Variants in PRIM2 observed in about 807,000 individuals in gnomAD.
PRIM2 encodes the protein DNA primase subunit 2.
Under a neutral mutation model 67.3 loss-of-function variants are expected in PRIM2, and 39 were observed. The ratio of observed to expected loss-of-function variants is 0.58; its 90% CI spans 0.45 to 0.76. PRIM2 has a LOEUF of 0.76. Among genes scored for constraint, PRIM2 ranks in the 30% least tolerant of loss-of-function variants. The pLI is 0.00. For missense variants in PRIM2, 398 were observed against 598.7 expected (o/e 0.66, Z 3.50); for synonymous variants, 143 against 198.7 (o/e 0.72, Z 2.36).
chr6:57,446,294 T>TTG (rs1554339299), intron 7 of PRIM2, among the ~76,000 whole-genome samples: 7 of 151,432 alleles, frequency 4.6e-5, no homozygotes, highest in African/African-American at 1.5e-4. Context: ...TTTTTGTTTT[T>TTG]TTTTTTTTTA....
chr6:57,297,627 T>C, the PRIM2 span, among the ~76,000 whole-genome samples: 1 of 152,130 alleles, frequency 6.6e-6, no homozygotes, highest in Non-Finnish European at 1.5e-5. Context: ...TAGAAACTTT[T>C]CAGTGGAGAA....
chr6:57,517,502 A>G (rs1201439225), intron 8 of PRIM2, among the ~76,000 whole-genome samples: 30 of 152,202 alleles, frequency 2.0e-4, no homozygotes, highest in African/African-American at 7.0e-4. Flanking sequence ...GGCTAGTACT[A>G]CTAAAGAACT....
chr6:57,557,791 A>G (rs1775544779), intron 10 of PRIM2, among the ~76,000 whole-genome samples: 1 of 152,166 alleles, frequency 6.6e-6, no homozygotes, highest in East Asian at 1.9e-4. Flanking sequence ...AAAGAAAAAG[A>G]TATGACTTTT....
the PRIM2 span, among the ~76,000 whole-genome samples, chr6:57,284,619 C>A: frequency 1.3e-5 from 2 of 151,938 alleles, no homozygotes; most frequent in African/African-American, 4.8e-5. Context: ...AGAAACAACG[C>A]AAAATAAATA....
At chr6:57,386,207 G>A (rs1770140408) in intron 7 of PRIM2, among the ~76,000 whole-genome samples, 1 of 151,272 alleles carries the variant, frequency 6.6e-6, no homozygotes, top group African/African-American at 2.4e-5. Context: ...GCAACATAGT[G>A]AGAATCAGTC....
the PRIM2 span, among the ~76,000 whole-genome samples, chr6:57,271,873 A>T: frequency 1.3e-5 from 2 of 152,076 alleles, no homozygotes; most frequent in African/African-American, 4.8e-5. Context: ...TTCTGCCTTC[A>T]TTTTGTTATT....
chr6:57,390,461 CTTG>C (rs1299032057), intron 7 of PRIM2, among the ~76,000 whole-genome samples: 2 of 151,932 alleles, frequency 1.3e-5, no homozygotes, highest in Non-Finnish European at 1.5e-5. Flanking sequence ...GTCATGGGGG[CTTG>C]TTGTACAGAT....
chr6:57,294,991 C>T, the PRIM2 span, among the ~76,000 whole-genome samples: 2 of 151,962 alleles, frequency 1.3e-5, no homozygotes, highest in Non-Finnish European at 2.9e-5. Flanking sequence ...GTATTTTTAG[C>T]AGAGAAGGGG....
intron 5 of PRIM2, among the ~76,000 whole-genome samples, chr6:57,335,807 C>A (rs1465508273): frequency 6.6e-6 from 1 of 152,188 alleles, no homozygotes; most frequent in African/African-American, 2.4e-5. Flanking sequence ...AGCGCCTCTC[C>A]TCCTCCAAAG....
chr6:57,360,715 C>G (rs1247369961), intron 5 of PRIM2, among the ~76,000 whole-genome samples: 2 of 152,110 alleles, frequency 1.3e-5, no homozygotes, highest in Non-Finnish European at 2.9e-5. Flanking sequence ...AGGCAAGAAA[C>G]AAAGTGAACA....
At chr6:57,281,704 C>T in the PRIM2 span, among the ~76,000 whole-genome samples, 1 of 152,108 alleles carries the variant, frequency 6.6e-6, no homozygotes, top group African/African-American at 2.4e-5. Flanking sequence ...CAGAGAGGTG[C>T]TCCTGGGCAG....
At chr6:57,334,984 G>A (rs1007422703) in intron 5 of PRIM2, among the ~76,000 whole-genome samples, 5 of 152,232 alleles carry the variant, frequency 3.3e-5, no homozygotes, top group African/African-American at 9.6e-5. Context: ...CAGACAGTGG[G>A]CGCAGGTCAG....
chr6:57,258,638 T>A, the PRIM2 span, among the ~76,000 whole-genome samples: 1 of 128,588 alleles, frequency 7.8e-6, no homozygotes, highest in Admixed American at 9.2e-5. Flanking sequence ...GACACCATCT[T>A]ATGCAAAGTT....
chr6:57,340,864 TA>T (rs1768457567), intron 5 of PRIM2, among the ~76,000 whole-genome samples: 1 of 152,040 alleles, frequency 6.6e-6, no homozygotes, highest in Non-Finnish European at 1.5e-5. Context: ...AATAATAATT[TA>T]AAAAAATGGT....
chr6:57,425,245 T>A (rs1412621697), intron 7 of PRIM2, among the ~76,000 whole-genome samples: 1 of 152,194 alleles, frequency 6.6e-6, no homozygotes, highest in Admixed American at 6.5e-5. Flanking sequence ...GGAATTATTA[T>A]TATTATTTTT....
chr6:57,239,953 A>G, the PRIM2 span, among the ~76,000 whole-genome samples: 22 of 152,266 alleles, frequency 1.4e-4, no homozygotes, highest in South Asian at 4.6e-3. Context: ...AGTAATCAAA[A>G]AAGACATAGT....
chr6:57,514,880 C>T (rs1293489952), intron 8 of PRIM2, among the ~76,000 whole-genome samples: 1 of 152,056 alleles, frequency 6.6e-6, no homozygotes, highest in Admixed American at 6.6e-5. Flanking sequence ...CACACACATA[C>T]CCAAAGCTGC....
intron 2 of PRIM2, among the ~76,000 whole-genome samples, chr6:57,318,981 G>C (rs1767564573): frequency 6.6e-6 from 1 of 152,154 alleles, no homozygotes; most frequent in African/African-American, 2.4e-5. Context: ...AAAGAAGTGG[G>C]AGTGACTGAC....
intron 7 of PRIM2, among the ~76,000 whole-genome samples, chr6:57,397,566 T>G (rs2127352201): frequency 6.6e-6 from 1 of 152,316 alleles, no homozygotes; most frequent in Non-Finnish European, 1.5e-5. Context: ...TATTTCCCCC[T>G]TCACTTCTTG....
Sources: gnomAD v4.1 joint callset for allele counts (sites outside exome capture counted in the v4.1 genomes callset) on GRCh38, gnomAD v4.1.1 for gene constraint, MANE v1.5 for transcripts, NCBI Gene and HGNC (gene_info 2026-07-23, HGNC 2026-07-21) for gene names.